The following SPAG16 variants were observed in gnomAD, a reference collection of about 807,000 sequenced individuals.
SPAG16 encodes the protein sperm-associated antigen 16 protein.
In SPAG16, 86 loss-of-function variants were observed where a neutral mutation model predicts 80.4. The ratio of observed to expected loss-of-function variants is 1.07; its 90% CI spans 0.90 to 1.28. SPAG16 has a LOEUF of 1.28. SPAG16 is among the 50% of genes most tolerant of loss of function. The pLI is 0.00. For missense variants in SPAG16, 870 were observed against 765.3 expected, an observed-to-expected ratio of 1.14 and a Z score of -1.61; for synonymous variants, 294 against 265.9, an observed-to-expected ratio of 1.11 and a Z score of -1.03.
Position 213,910,745 on chromosome 2 carries a change from C to T in SPAG16, c.1215-19215C>T, listed in dbSNP as rs1453331234. 6.7e-5 allele frequency among the ~76,000 whole-genome samples: 2 copies of T among 29,864 alleles called. 1 individual carries two copies. Among genetic ancestry groups the T allele is most frequent in the Non-Finnish European group, 2.9e-4 (2 of 6,912 alleles). The allele number at this position is 29,864 out of a possible 152,430, so 19.6% of individuals were successfully genotyped here. ...CCTCGTGATCCGCCCGCCTCGGCCT[C>T]CCAAAGTGCTGGGATTACAGGCGTG... On this transcript the variant is annotated intron_variant, in intron 11 of 15. Transcript: ENST00000331683.
intron 12 of SPAG16, among the ~76,000 whole-genome samples, chr2:213,996,203 T>C (rs753101836): frequency 1.2e-4 from 19 of 152,200 alleles, no homozygotes; most frequent in Non-Finnish European, 2.1e-4. Context: ...ATACTACCAT[T>C]GAGGAAGAAT....
intron 13 of SPAG16, 88 bp downstream of exon 13, chr2:214,014,165 G>A: frequency 2.0e-6 from 3 of 1,523,738 alleles, no homozygotes; most frequent in Non-Finnish European, 2.7e-6. Flanking sequence ...GACTTAAAAA[G>A]TGATTGTGCA....
rs546646491 is a variant in SPAG16, at chr2:213,742,574, C to T, written c.1071-119911C>T. Among the ~76,000 whole-genome samples, 21 of 122,164 alleles carry T rather than the reference C, an allele frequency of 1.7e-4. 1 individual carries two copies. The South Asian group carries it at 5.3e-3, about 31-fold the overall frequency. The allele number at this position is 122,164 out of a possible 152,430, so 80.1% of individuals were successfully genotyped here. ...TTTTTTTTTTTTTTTTTTTTTGAGA[C>T]GAAGTTTCGGTCTTGTCGCCCAGGC... is the stretch of plus-strand genomic sequence containing the variant. On this transcript the variant is annotated intron_variant, in intron 10 of 15. Coordinates refer to ENST00000331683, the MANE Select transcript of SPAG16 (RefSeq NM_024532.5).
chr2:213,913,331 A>G (rs1052960563), intron 11 of SPAG16, among the ~76,000 whole-genome samples: 1 of 152,120 alleles, frequency 6.6e-6, no homozygotes, highest in African/African-American at 2.4e-5. Context: ...AATACAAACA[A>G]TGCTCCAAGG....
At chr2:213,317,190 A>T in intron 4 of SPAG16, 29 bp from the exon 5 acceptor site, 2 of 1,456,462 alleles carry the variant, frequency 1.4e-6, no homozygotes, top group Non-Finnish European at 9.3e-7. Flanking sequence ...AAGAAATGAT[A>T]TAAACCCTTT....
intron 14 of SPAG16, among the ~76,000 whole-genome samples, chr2:214,125,566 A>G (rs2054433739): frequency 6.6e-6 from 1 of 151,790 alleles, no homozygotes; most frequent in African/African-American, 2.4e-5. Context: ...ACAGAAGGAC[A>G]GTCTGTTAGA....
chr2:213,710,454 T>C (rs1364279977), intron 10 of SPAG16, among the ~76,000 whole-genome samples: 1 of 152,178 alleles, frequency 6.6e-6, no homozygotes, highest in East Asian at 1.9e-4. Flanking sequence ...TATCTATGTA[T>C]TAAATAGTAA....
intron 14 of SPAG16, among the ~76,000 whole-genome samples, chr2:214,147,240 A>G (rs2055691612): frequency 6.6e-6 from 1 of 152,216 alleles, no homozygotes; most frequent in South Asian, 2.1e-4. Flanking sequence ...TGATCATTTG[A>G]CAGCAATAGA....
chr2:213,469,946 T>C (rs2072984242), intron 9 of SPAG16, among the ~76,000 whole-genome samples: 1 of 152,102 alleles, frequency 6.6e-6, no homozygotes, highest in Admixed American at 6.6e-5. Context: ...TTCCCCTCTC[T>C]AGAACTAAGA....
At chr2:213,780,377 G>A (rs141952959) in intron 10 of SPAG16, among the ~76,000 whole-genome samples, 61 of 152,102 alleles carry the variant, frequency 4.0e-4, no homozygotes, top group African/African-American at 1.4e-3. Flanking sequence ...TCTCTGACTT[G>A]TGTGAAATAT....
chr2:213,980,725 T>TATATATATATATATAGAG (rs374274176), intron 12 of SPAG16, among the ~76,000 whole-genome samples: 89 of 103,958 alleles, frequency 8.6e-4, no homozygotes, highest in African/African-American at 3.0e-3. Context: ...TATATATATA[T>TATATATATATATATAGAG]AGAGAGAGAG....
At chr2:214,236,618 C>T (rs1344384364) in intron 15 of SPAG16, among the ~76,000 whole-genome samples, 1 of 151,498 alleles carries the variant, frequency 6.6e-6, no homozygotes, top group East Asian at 1.9e-4. Context: ...CACCATTGCA[C>T]TCCATCCTGG....
intron 15 of SPAG16, among the ~76,000 whole-genome samples, chr2:214,223,273 T>G (rs77290047): frequency 0.018 from 2,741 of 152,254 alleles, 53 homozygotes; most frequent in African/African-American, 0.043. Flanking sequence ...TGTTGAAATA[T>G]TCACTGAAGT....
chr2:214,189,100 A>G (rs2057574151), intron 15 of SPAG16, among the ~76,000 whole-genome samples: 1 of 152,130 alleles, frequency 6.6e-6, no homozygotes, highest in Non-Finnish European at 1.5e-5. Context: ...GTTGTATTGC[A>G]TAGATTTGTG....
intron 15 of SPAG16, among the ~76,000 whole-genome samples, chr2:214,233,645 G>C (rs1051324694): frequency 6.6e-6 from 1 of 152,000 alleles, no homozygotes; most frequent in Admixed American, 6.6e-5. Context: ...TCAATTCTTT[G>C]TGCATCAGGG....
At chr2:213,860,802 C>T (rs2105944330) in intron 10 of SPAG16, among the ~76,000 whole-genome samples, 1 of 152,232 alleles carries the variant, frequency 6.6e-6, no homozygotes, top group East Asian at 1.9e-4. Context: ...GTTATCTTCA[C>T]TTAAAGAGGG....
At chr2:213,335,728 A>C (rs1047946488) in intron 5 of SPAG16, among the ~76,000 whole-genome samples, 1 of 152,134 alleles carries the variant, frequency 6.6e-6, no homozygotes, top group African/African-American at 2.4e-5. Context: ...TTGGCATGAA[A>C]ATGAGGTTGA....
intron 10 of SPAG16, among the ~76,000 whole-genome samples, chr2:213,504,179 C>A (rs2074867785): frequency 6.6e-6 from 1 of 151,970 alleles, no homozygotes; most frequent in South Asian, 2.1e-4. Flanking sequence ...TGGTTTGTAG[C>A]AAGATTAGAT....
At chr2:214,021,911 C>G (rs2047887524) in intron 13 of SPAG16, among the ~76,000 whole-genome samples, 1 of 152,004 alleles carries the variant, frequency 6.6e-6, no homozygotes, top group Non-Finnish European at 1.5e-5. Flanking sequence ...TCTGAAAAAG[C>G]TTTCCCTTTA....
Sources: allele counts gnomAD v4.1 joint callset (sites outside exome capture counted in the v4.1 genomes callset), GRCh38; gene constraint gnomAD v4.1.1; transcripts MANE v1.5; gene names NCBI Gene and HGNC (gene_info 2026-07-23, HGNC 2026-07-21).